KCNG3: variants seen among roughly 807,000 people sequenced by gnomAD.
KCNG3 encodes potassium voltage-gated channel modifier subfamily G member 3.
Under a neutral mutation model 29.0 loss-of-function variants are expected in KCNG3, and 15 were observed. The ratio of observed to expected loss-of-function variants is 0.52; its 90% CI spans 0.35 to 0.80. KCNG3 has a LOEUF of 0.80. Ranked by LOEUF, KCNG3 falls within the 30% of genes least tolerant of loss-of-function variation. The pLI is 0.01. For missense variants in KCNG3, 512 were observed against 605.7 expected (o/e 0.85, Z 1.62); for synonymous variants, 322 against 248.9 (o/e 1.29, Z -2.76).
intron 1 of KCNG3, among the ~76,000 whole-genome samples, chr2:42,489,017 G>A (rs1349351337): frequency 1.3e-5 from 2 of 152,020 alleles, no homozygotes; most frequent in Admixed American, 6.5e-5. Flanking sequence ...TATTTCAGCT[G>A]GGCACAGTGG....
At chr2:42,408,416 C>T in the KCNG3 span, among the ~76,000 whole-genome samples, 1 of 152,136 alleles carries the variant, frequency 6.6e-6, no homozygotes, top group African/African-American at 2.4e-5. Context: ...CCCATAAAAG[C>T]CCAGGTTCAG....
At chr2:42,418,741 A>T in the KCNG3 span, among the ~76,000 whole-genome samples, 3 of 152,194 alleles carry the variant, frequency 2.0e-5, no homozygotes, top group African/African-American at 4.8e-5. Context: ...TGTGATTTTT[A>T]AAATTATTAG....
At chr2:42,404,705 G>A in the KCNG3 span, among the ~76,000 whole-genome samples, 1 of 152,164 alleles carries the variant, frequency 6.6e-6, no homozygotes, top group Non-Finnish European at 1.5e-5. Flanking sequence ...TCCAGCCTGG[G>A]CAACGGAGGA....
the KCNG3 span, among the ~76,000 whole-genome samples, chr2:42,420,560 C>G: frequency 3.3e-5 from 5 of 152,130 alleles, no homozygotes; most frequent in African/African-American, 1.2e-4. Context: ...GAGGCCGAGG[C>G]AGGTGGATCA....
chr2:42,429,168 C>T, the KCNG3 span, among the ~76,000 whole-genome samples: 1 of 151,908 alleles, frequency 6.6e-6, no homozygotes, highest in Non-Finnish European at 1.5e-5. Flanking sequence ...AGGCAAGAAG[C>T]ACCCTCAAGT....
the KCNG3 span, among the ~76,000 whole-genome samples, chr2:42,389,053 G>C: frequency 2.6e-4 from 40 of 152,070 alleles, no homozygotes; most frequent in Non-Finnish European, 4.3e-4. Flanking sequence ...GAGTAGCTGG[G>C]ATTACAGGCA....
chr2:42,457,293 T>C (rs1672899115), intron 1 of KCNG3, among the ~76,000 whole-genome samples: 1 of 149,640 alleles, frequency 6.7e-6, no homozygotes, highest in African/African-American at 2.5e-5. Flanking sequence ...AAGACCAGTT[T>C]GGGCAACGTG....
Position 42,492,965 on chromosome 2 carries a change from C to T in KCNG3, c.537G>A (p.Val179=). 3.8e-6 allele frequency: 6 copies of T among 1,566,794 alleles called. No individual in the cohort carries two copies. Among genetic ancestry groups the T allele is most frequent in the Non-Finnish European group, 3.4e-6 (4 of 1,160,336 alleles). Residue 179 remains valine, a synonymous_variant, in exon 1 of 2, where the codon GTG becomes GTA. Coordinates refer to ENST00000306078, the MANE Select transcript of KCNG3 (RefSeq NM_133329.6). ...GCACCACCATGGACACGATCACGAACACCACCGACACGCTAGCCAGGATCT... is the reference window on the plus strand; with the variant it reads ...GCACCACCATGGACACGATCACGAATACCACCGACACGCTAGCCAGGATCT... ...AAQILASVSV[V]FVIVSMVVLC...
At chr2:42,458,337 C>T (rs78752289) in intron 1 of KCNG3, among the ~76,000 whole-genome samples, 1 of 152,158 alleles carries the variant, frequency 6.6e-6, no homozygotes, top group Non-Finnish European at 1.5e-5. Context: ...AACATGCGCC[C>T]TTGCCTGAGG....
At chr2:42,426,077 TATAAA>T in the KCNG3 span, among the ~76,000 whole-genome samples, 1 of 152,190 alleles carries the variant, frequency 6.6e-6, no homozygotes, top group Non-Finnish European at 1.5e-5. Flanking sequence ...AGTTAATTTT[TATAAA>T]ATATTATTTC....
At chr2:42,445,228 T>C (rs372384779) in intron 1 of KCNG3, among the ~76,000 whole-genome samples, 6 of 152,152 alleles carry the variant, frequency 3.9e-5, no homozygotes, top group African/African-American at 1.4e-4. Flanking sequence ...GGCCACAACA[T>C]GAAATTTAAC....
chr2:42,421,931 G>A, the KCNG3 span, among the ~76,000 whole-genome samples: 1 of 152,152 alleles, frequency 6.6e-6, no homozygotes, highest in Admixed American at 6.6e-5. Flanking sequence ...AACTAAAAGT[G>A]ATTGTAACAT....
intron 1 of KCNG3, among the ~76,000 whole-genome samples, chr2:42,460,843 G>A (rs1249758153): frequency 6.6e-6 from 1 of 152,090 alleles, no homozygotes; most frequent in Non-Finnish European, 1.5e-5. Flanking sequence ...TGGCTACTCT[G>A]ACTATTCCTT....
the KCNG3 span, among the ~76,000 whole-genome samples, chr2:42,431,175 C>G: frequency 7.9e-5 from 12 of 151,634 alleles, no homozygotes; most frequent in East Asian, 2.3e-3. Context: ...ATTTTCATTA[C>G]TAGGAGTTGT....
chr2:42,479,039 T>C (rs929020552), intron 1 of KCNG3, among the ~76,000 whole-genome samples: 2 of 151,360 alleles, frequency 1.3e-5, no homozygotes, highest in Non-Finnish European at 2.9e-5. Context: ...AATACTCCAA[T>C]GAGCATTTCC....
chr2:42,492,997 C>G lies in KCNG3; in HGVS notation c.505G>C (p.Ala169Pro). The change falls in exon 1 of 2, where the codon GCC becomes CCC. Residue 169 changes from alanine (A) to proline (P), a missense_variant. By Grantham distance (27) the Ala-to-Pro change is conservative. Coordinates refer to ENST00000306078, the MANE Select transcript of KCNG3 (RefSeq NM_133329.6). ...GACACGCTAGCCAGGATCTGCGCGGCCAGCGACGACGTGGGCTCCTCGAAG... is the reference window on the plus strand; with the variant it reads ...GACACGCTAGCCAGGATCTGCGCGGGCAGCGACGACGTGGGCTCCTCGAAG... ...RTFEEPTSSL[A>P]AQILASVSVV... The G allele has an allele frequency of 6.5e-7, 1 of 1,534,836 alleles. No individual in the cohort carries two copies. The highest frequency in any genetic ancestry group is 8.7e-7 in the Non-Finnish European group (1 of 1,144,472).
the KCNG3 span, among the ~76,000 whole-genome samples, chr2:42,436,752 A>G: frequency 2.0e-5 from 3 of 152,236 alleles, no homozygotes; most frequent in Non-Finnish European, 4.4e-5. Flanking sequence ...TGTGAGGACC[A>G]TAAAAACCAC....
intron 1 of KCNG3, among the ~76,000 whole-genome samples, chr2:42,473,678 G>C (rs181260221): frequency 7.6e-4 from 116 of 152,152 alleles, no homozygotes; most frequent in Non-Finnish European, 1.5e-3. Context: ...TTATTTCACA[G>C]ATTGATTTGT....
chr2:42,432,675 C>A, the KCNG3 span, among the ~76,000 whole-genome samples: 4 of 152,108 alleles, frequency 2.6e-5, no homozygotes, highest in African/African-American at 9.7e-5. Flanking sequence ...TATCTTTAGG[C>A]AAGTGAACAT....
Sources: gnomAD v4.1 joint callset for allele counts (sites outside exome capture counted in the v4.1 genomes callset) on GRCh38, gnomAD v4.1.1 for gene constraint, MANE v1.5 for transcripts, NCBI Gene and HGNC (gene_info 2026-07-23, HGNC 2026-07-21) for gene names.